GALNT13: variants seen among roughly 807,000 people sequenced by gnomAD.
The protein encoded by GALNT13 is UDP-GalNAc:polypeptide N-acetylgalactosaminyltransferase 13.
Under a neutral mutation model 64.2 loss-of-function variants are expected in GALNT13, and 28 were observed. The ratio of observed to expected loss-of-function variants is 0.44; its 90% CI spans 0.32 to 0.60. GALNT13 has a LOEUF of 0.60. GALNT13 is among the 20% of genes least tolerant of loss of function. The probability of loss-of-function intolerance (pLI) is 0.05; values close to 1 mark genes in which losing one functional copy is unlikely to be tolerated. For missense variants in GALNT13, 577 were observed against 669.8 expected (o/e 0.86, Z 1.53); for synonymous variants, 214 against 224.6 (o/e 0.95, Z 0.42).
the GALNT13 span, among the ~76,000 whole-genome samples, chr2:153,244,036 T>C: frequency 7.0e-6 from 1 of 143,444 alleles, no homozygotes; most frequent in Admixed American, 6.7e-5. Flanking sequence ...GTTTTCCCTC[T>C]TGAAAACTAT....
rs568944788 is a variant in GALNT13 at position 154,297,768 on chromosome 2, AAT to A, written c.976-3639_976-3638del. On this transcript the variant is annotated intron_variant, in intron 8 of 12. Transcript: ENST00000392825. ...GCATATGCATACAGATGATGAAAGAAATAAGTCAATGATATGTTCTAGTTTTA... is the reference window on the plus strand; with the variant it reads ...GCATATGCATACAGATGATGAAAGAAAAGTCAATGATATGTTCTAGTTTTA... 1.4e-4 allele frequency among the ~76,000 whole-genome samples: 22 copies of A among 152,324 alleles called. No homozygotes were observed. The South Asian group carries it at 4.6e-3, about 32-fold the overall frequency.
At chr2:154,264,492 C>T (rs560480883) in intron 8 of GALNT13, among the ~76,000 whole-genome samples, 2 of 144,790 alleles carry the variant, frequency 1.4e-5, no homozygotes, top group African/African-American at 5.1e-5. Flanking sequence ...AAAAAATTAG[C>T]TGGGCATGGT....
intron 3 of GALNT13, among the ~76,000 whole-genome samples, chr2:154,003,574 T>A (rs1003511086): frequency 1.3e-5 from 2 of 152,164 alleles, no homozygotes; most frequent in Non-Finnish European, 2.9e-5. Flanking sequence ...TCCTCTTAAT[T>A]TTCTTTTAAG....
chr2:153,553,311 C>T, the GALNT13 span, among the ~76,000 whole-genome samples: 1 of 151,962 alleles, frequency 6.6e-6, no homozygotes, highest in East Asian at 1.9e-4. Context: ...CCAGCCTGGG[C>T]AACATGGTGA....
rs529424469 is a variant in GALNT13 at position 154,269,906 on chromosome 2, G to GTGTGTATATATATATATATATATATA, written c.975+10769_975+10770insGTGTATATATATATATATATATATAT. Among the ~76,000 whole-genome samples the GTGTGTATATATATATATATATATATA allele has an allele frequency of 1.7e-4, 16 of 96,860 alleles. 1 individual carries two copies. Among genetic ancestry groups the GTGTGTATATATATATATATATATATA allele is most frequent in the Non-Finnish European group, 4.2e-5 (2 of 48,000 alleles). 63.5% of individuals were successfully genotyped at this position (96,860 alleles called of 152,430 possible). ...GTCATATATATATTTATATATATGT[G>GTGTGTATATATATATATATATATATA]TATATATATATATATATATTTCTAA... On this transcript the variant is annotated intron_variant, in intron 8 of 12. Transcript: ENST00000392825.
intron 4 of GALNT13, among the ~76,000 whole-genome samples, chr2:154,228,549 G>A (rs192228935): frequency 6.6e-6 from 1 of 152,132 alleles, no homozygotes; most frequent in African/African-American, 2.4e-5. Context: ...TTTGCTGTAG[G>A]ACCTGCTGCT....
At chr2:153,668,563 G>T in the GALNT13 span, among the ~76,000 whole-genome samples, 1 of 152,140 alleles carries the variant, frequency 6.6e-6, no homozygotes, top group Non-Finnish European at 1.5e-5. Flanking sequence ...ATCTTCAGAA[G>T]GAGGACATTG....
chr2:153,258,348 A>G, the GALNT13 span, among the ~76,000 whole-genome samples: 1 of 141,634 alleles, frequency 7.1e-6, no homozygotes, highest in African/African-American at 2.6e-5. Flanking sequence ...GATTTGAGTA[A>G]TAGTAAAGCT....
chr2:154,282,539 A>G (rs967600567), intron 8 of GALNT13, among the ~76,000 whole-genome samples: 2 of 152,184 alleles, frequency 1.3e-5, no homozygotes, highest in Non-Finnish European at 2.9e-5. Context: ...CAAAGCCATC[A>G]TCAACCTCAT....
the GALNT13 span, among the ~76,000 whole-genome samples, chr2:153,666,621 C>T: frequency 7.9e-5 from 12 of 152,294 alleles, no homozygotes; most frequent in Admixed American, 4.6e-4. Flanking sequence ...ATACCACCAT[C>T]GAACCCTCAG....
the GALNT13 span, among the ~76,000 whole-genome samples, chr2:153,452,199 T>TA: frequency 4.6e-5 from 7 of 152,218 alleles, no homozygotes; most frequent in African/African-American, 1.4e-4. Context: ...CAACAAAACA[T>TA]ACGGCATAAG....
the GALNT13 span, among the ~76,000 whole-genome samples, chr2:153,250,842 T>G: frequency 6.7e-6 from 1 of 149,984 alleles, no homozygotes; most frequent in African/African-American, 2.5e-5. Flanking sequence ...CGCATGGACA[T>G]AGGGAGGGGG....
chr2:153,714,201 C>T, the GALNT13 span, among the ~76,000 whole-genome samples: 11 of 152,102 alleles, frequency 7.2e-5, no homozygotes, highest in East Asian at 7.8e-4. Context: ...ATTGATAGTC[C>T]GACTGAGACA....
the GALNT13 span, among the ~76,000 whole-genome samples, chr2:153,858,764 G>T: frequency 1.1e-4 from 16 of 151,658 alleles, no homozygotes; most frequent in Non-Finnish European, 1.9e-4. Context: ...ACACAGCCTC[G>T]CTTTGTTGCC....
At chr2:153,711,075 C>T in the GALNT13 span, among the ~76,000 whole-genome samples, 2,394 of 152,160 alleles carry the variant, frequency 0.016, 68 homozygotes, top group East Asian at 0.13. Context: ...CTGAGCCTTG[C>T]CACAGGAACT....
intron 9 of GALNT13, among the ~76,000 whole-genome samples, chr2:154,363,980 A>G (rs749057107): frequency 6.6e-6 from 1 of 152,190 alleles, no homozygotes; most frequent in African/African-American, 2.4e-5. Flanking sequence ...TTTTTGTGTT[A>G]AGAACATTAA....
chr2:153,286,190 T>C, the GALNT13 span, among the ~76,000 whole-genome samples: 1 of 152,200 alleles, frequency 6.6e-6, no homozygotes, highest in South Asian at 2.1e-4. Flanking sequence ...GATTATATTG[T>C]AGATGTGGCA....
intron 10 of GALNT13, among the ~76,000 whole-genome samples, chr2:154,402,880 A>G (rs1043105173): frequency 6.6e-6 from 1 of 152,314 alleles, no homozygotes; most frequent in African/African-American, 2.4e-5. Flanking sequence ...TTTTAAAATT[A>G]TACATGATCA....
chr2:153,813,822 A>G, the GALNT13 span, among the ~76,000 whole-genome samples: 3 of 152,214 alleles, frequency 2.0e-5, no homozygotes, highest in Non-Finnish European at 2.9e-5. Flanking sequence ...TTACAATTAT[A>G]TAGGTTAGGA....
Sources: gnomAD v4.1 joint callset for allele counts (sites outside exome capture counted in the v4.1 genomes callset) on GRCh38, gnomAD v4.1.1 for gene constraint, MANE v1.5 for transcripts, NCBI Gene and HGNC (gene_info 2026-07-23, HGNC 2026-07-21) for gene names.